Variants in C11orf97 observed in about 807,000 individuals in gnomAD.
C11orf97 encodes the protein chromosome 11 open reading frame 97, also known as uncharacterized protein C11orf97.
A neutral mutation model predicts 16.2 loss-of-function variants in C11orf97; 15 were observed. The observed-to-expected ratio is 0.93, with a 90% confidence interval of 0.62 to 1.43. C11orf97 has a LOEUF of 1.43. C11orf97 is among the 40% of genes most tolerant of loss of function. C11orf97 has a pLI of 0.00. For missense variants in C11orf97, 171 were observed against 161.2 expected (o/e 1.06, Z -0.33); for synonymous variants, 61 against 65.7 (o/e 0.93, Z 0.34).
rs567908336 is a variant in C11orf97 at position 94,522,135 on chromosome 11, C to T, written c.250+4448C>T. Among the ~76,000 whole-genome samples, 172 of 152,218 alleles carry T rather than the reference C, an allele frequency of 1.1e-3. 1 individual carries two copies. The highest frequency in any genetic ancestry group is 1.5e-3 in the Non-Finnish European group (104 of 68,000). ...TGGGATTTTCTCATACTTTTCACTACGGCCTCTCTAGGATGCCTCTGAAAT... is the reference window on the plus strand; with the variant it reads ...TGGGATTTTCTCATACTTTTCACTATGGCCTCTCTAGGATGCCTCTGAAAT... On this transcript the variant is annotated intron_variant, in intron 2 of 3. Transcript: ENST00000542198.
At chr11:94,514,640 C>CTTTT (rs10562282) in intron 1 of C11orf97, among the ~76,000 whole-genome samples, 3 of 82,464 alleles carry the variant, frequency 3.6e-5, no homozygotes, top group Non-Finnish European at 2.4e-5. Flanking sequence ...TTATTTTTGC[C>CTTTT]TTTTTTTTTT....
At chr11:94,516,746 TG>T (rs1198631409) in intron 1 of C11orf97, among the ~76,000 whole-genome samples, 1 of 152,212 alleles carries the variant, frequency 6.6e-6, no homozygotes, top group Non-Finnish European at 1.5e-5. Flanking sequence ...AAAGAACTAA[TG>T]TTTAAGCCAA....
intron 2 of C11orf97, among the ~76,000 whole-genome samples, chr11:94,518,299 A>G (rs879645729): frequency 1.3e-5 from 2 of 152,192 alleles, no homozygotes; most frequent in Non-Finnish European, 2.9e-5. Flanking sequence ...TATAGGTATG[A>G]CAAGTAACAG....
chr11:94,524,897 A>C (rs372691185), intron 2 of C11orf97, among the ~76,000 whole-genome samples: 2 of 152,048 alleles, frequency 1.3e-5, no homozygotes, highest in Non-Finnish European at 2.9e-5. Flanking sequence ...CGTCTCTATT[A>C]AAAATACAAA....
intron 3 of C11orf97, among the ~76,000 whole-genome samples, chr11:94,531,043 C>G (rs1458817109): frequency 6.6e-6 from 1 of 152,130 alleles, no homozygotes; most frequent in East Asian, 1.9e-4. Flanking sequence ...GGGACTCTTC[C>G]AACATATAAT....
At chr11:94,520,415 C>G (rs1216391049) in intron 2 of C11orf97, among the ~76,000 whole-genome samples, 1 of 152,198 alleles carries the variant, frequency 6.6e-6, no homozygotes, top group Non-Finnish European at 1.5e-5. Flanking sequence ...CAGTCATGGG[C>G]TCTTTTCTCT....
chr11:94,515,057 T>A (rs1947601205), intron 1 of C11orf97, among the ~76,000 whole-genome samples: 1 of 152,150 alleles, frequency 6.6e-6, no homozygotes, highest in Admixed American at 6.5e-5. Flanking sequence ...ATGAACTGAT[T>A]AGTAGAGTGT....
chr11:94,524,030 T>C (rs11020809), intron 2 of C11orf97, among the ~76,000 whole-genome samples: 8,900 of 152,156 alleles, frequency 0.058, 888 homozygotes, highest in African/African-American at 0.2. Flanking sequence ...TGGGCTGAGT[T>C]AGAAGCACTG....
At chr11:94,523,412 G>A (rs1404985688) in intron 2 of C11orf97, among the ~76,000 whole-genome samples, 2 of 152,186 alleles carry the variant, frequency 1.3e-5, no homozygotes, top group African/African-American at 2.4e-5. Context: ...ATTGATTGTT[G>A]AAGGTGAGAT....
intron 3 of C11orf97, among the ~76,000 whole-genome samples, chr11:94,531,222 T>G (rs952835292): frequency 1.3e-5 from 2 of 152,056 alleles, no homozygotes; most frequent in African/African-American, 2.4e-5. Flanking sequence ...GGCAGATCAC[T>G]TGAGGCCAGG....
intron 3 of C11orf97, 146 bp downstream of exon 3, chr11:94,528,355 C>A: frequency 1.4e-6 from 1 of 738,266 alleles, no homozygotes; most frequent in Admixed American, 3.7e-5. Flanking sequence ...TTTAGTTTGG[C>A]CATATTATGT....
At chr11:94,526,133 C>T (rs752717127) in intron 2 of C11orf97, among the ~76,000 whole-genome samples, 15 of 152,136 alleles carry the variant, frequency 9.9e-5, no homozygotes, top group Non-Finnish European at 2.2e-4. Flanking sequence ...TGTCTGCCTT[C>T]CTCCTTCTGG....
chr11:94,516,410 T>A (rs966950655), intron 1 of C11orf97, among the ~76,000 whole-genome samples: 1 of 152,228 alleles, frequency 6.6e-6, no homozygotes, highest in Non-Finnish European at 1.5e-5. Flanking sequence ...AGTGACCGTA[T>A]AACTGCATTG....
At chr11:94,526,332 A>G (rs1241485765) in intron 2 of C11orf97, among the ~76,000 whole-genome samples, 1 of 152,166 alleles carries the variant, frequency 6.6e-6, no homozygotes, top group Non-Finnish European at 1.5e-5. Context: ...TTATCCCTGA[A>G]TATAGTAAAT....
At chr11:94,527,966 A>G in intron 2 of C11orf97, 118 bp from the exon 3 acceptor site, 1 of 1,001,522 alleles carries the variant, frequency 1.0e-6, no homozygotes, top group Non-Finnish European at 1.4e-6. Flanking sequence ...TGATTAGTCA[A>G]ACCAAATAAA....
intron 2 of C11orf97, 148 bp from the exon 3 acceptor site, chr11:94,527,936 T>C: frequency 1.0e-5 from 7 of 669,318 alleles, no homozygotes; most frequent in South Asian, 6.8e-5. Context: ...ATTAAACATA[T>C]GATAAAGATT....
rs146580820 is a variant in C11orf97, at chr11:94,523,683, T to C, written c.251-4401T>C. ...GGTAAAAAATCAAAAGATTCAGAAATTGAGTTTTATGGATGTTGAATAGAA... is the reference window on the plus strand; with the variant it reads ...GGTAAAAAATCAAAAGATTCAGAAACTGAGTTTTATGGATGTTGAATAGAA... On this transcript the variant is annotated intron_variant, in intron 2 of 3. Coordinates refer to ENST00000542198, the MANE Select transcript of C11orf97 (RefSeq NM_001190462.2). Among the ~76,000 whole-genome samples the C allele has an allele frequency of 2.3e-3, 354 of 152,288 alleles. 3 individuals are homozygous for C. Among genetic ancestry groups the C allele is most frequent in the Non-Finnish European group, 3.8e-3 (261 of 68,022 alleles).
chr11:94,512,635 G>T lies in C11orf97; in HGVS notation c.107G>T (p.Gly36Val). ...GCAGGGCTGGGGTGCGGGGCGCGCG[G>T]GGAACCCGGCCGCGGCCCCCTAGAG... ...PPAGLGCGAR[G>V]EPGRGPLEHG... The change falls in exon 1 of 4, where the codon GGG (glycine) becomes GTG (valine). Residue 36 changes from glycine to valine, a missense_variant. By Grantham distance (109) the Gly-to-Val change is moderately radical. Transcript: ENST00000542198. 1 of 1,256,146 alleles carries T rather than the reference G, an allele frequency of 8.0e-7. No individual in the cohort carries two copies. Among genetic ancestry groups the T allele is most frequent in the South Asian group, 3.0e-5 (1 of 33,846 alleles). The allele number at this position is 1,256,146 out of a possible 1,614,324, so 77.8% of individuals were successfully genotyped here. A position where few individuals can be genotyped will look rare whatever the true frequency, so the allele number is the denominator to read the frequency against.
intron 2 of C11orf97, among the ~76,000 whole-genome samples, chr11:94,520,389 T>C (rs772813609): frequency 6.6e-6 from 1 of 152,200 alleles, no homozygotes; most frequent in Non-Finnish European, 1.5e-5. Context: ...ACCTAGCCTG[T>C]ATAATTTAGA....
Sources: allele counts gnomAD v4.1 joint callset (sites outside exome capture counted in the v4.1 genomes callset), GRCh38; gene constraint gnomAD v4.1.1; transcripts MANE v1.5; gene names NCBI Gene and HGNC (gene_info 2026-07-23, HGNC 2026-07-21).